Variants in ADK observed in about 807,000 individuals in gnomAD.
The protein encoded by ADK is adenosine kinase.
ADK carries 24 observed loss-of-function variants against 44.7 expected under a neutral mutation model. That is an observed-to-expected ratio of 0.54 (90% confidence interval 0.39 to 0.76). The LOEUF is 0.76. Among genes scored for constraint, ADK ranks in the 30% least tolerant of loss-of-function variants. The probability of loss-of-function intolerance (pLI) is 0.00; values close to 1 mark genes in which losing one functional copy is unlikely to be tolerated. For missense variants in ADK, 321 were observed against 425.1 expected (o/e 0.76, Z 2.15); for synonymous variants, 128 against 142.6 (o/e 0.90, Z 0.73).
chr10:74,200,355 G>A (rs1843330887), intron 1 of ADK, among the ~76,000 whole-genome samples: 1 of 151,558 alleles, frequency 6.6e-6, no homozygotes, highest in Non-Finnish European at 1.5e-5. Flanking sequence ...ATGGTGGCAG[G>A]CACCTTTAAT....
chr10:74,674,577 G>T (rs1336499114), intron 10 of ADK, among the ~76,000 whole-genome samples: 1 of 151,922 alleles, frequency 6.6e-6, no homozygotes. Context: ...ATGGATCAAA[G>T]ACTTAAATGT....
chr10:74,621,247 G>A (rs1445406761), intron 9 of ADK, among the ~76,000 whole-genome samples: 1 of 152,098 alleles, frequency 6.6e-6, no homozygotes, highest in Non-Finnish European at 1.5e-5. Context: ...CAGAGGGTGA[G>A]AGCTAGGAGT....
intron 8 of ADK, among the ~76,000 whole-genome samples, chr10:74,595,674 C>CTTGGAACTCAAAAACTAAAATTCA (rs1303016764): frequency 0.7 from 100 of 142 alleles, 50 homozygotes; most frequent in East Asian, 1. Flanking sequence ...CCGCGCCCAT[C>CTTGGAACTCAAAAACTAAAATTCA]GCCATATCAG....
chr10:74,651,256 A>T (rs987376808), intron 9 of ADK, among the ~76,000 whole-genome samples: 1 of 152,116 alleles, frequency 6.6e-6, no homozygotes, highest in Non-Finnish European at 1.5e-5. Flanking sequence ...TTAATCTAAT[A>T]GGCATTGGCA....
intron 4 of ADK, among the ~76,000 whole-genome samples, chr10:74,338,414 GTATT>G (rs1841480808): frequency 6.6e-6 from 1 of 152,080 alleles, no homozygotes; most frequent in African/African-American, 2.4e-5. Context: ...ATATTCCTGA[GTATT>G]TAACATAGAA....
chr10:74,284,202 C>T (rs1023789530), intron 3 of ADK, among the ~76,000 whole-genome samples: 5 of 149,132 alleles, frequency 3.4e-5, no homozygotes, highest in Non-Finnish European at 5.9e-5. Context: ...TCAGGTGATC[C>T]GCCAGTCTTG....
At chr10:74,333,978 T>C (rs575167069) in intron 4 of ADK, among the ~76,000 whole-genome samples, 6 of 152,270 alleles carry the variant, frequency 3.9e-5, no homozygotes, top group East Asian at 3.9e-4. Flanking sequence ...CAAAAAATAC[T>C]TTTTTTCAAA....
At chr10:74,437,096 AGTG>A (rs1430927882) in intron 6 of ADK, among the ~76,000 whole-genome samples, 1 of 152,188 alleles carries the variant, frequency 6.6e-6, no homozygotes, top group Non-Finnish European at 1.5e-5. Flanking sequence ...AAATAATCAA[AGTG>A]GTCATAACAC....
intron 2 of ADK, among the ~76,000 whole-genome samples, chr10:74,215,898 C>T (rs1030649514): frequency 7.4e-5 from 11 of 149,248 alleles, no homozygotes; most frequent in African/African-American, 2.5e-4. Flanking sequence ...CCTTGTGATC[C>T]GCCCGTCTCG....
intron 6 of ADK, among the ~76,000 whole-genome samples, chr10:74,407,660 C>A (rs1843997505): frequency 6.6e-6 from 1 of 152,172 alleles, no homozygotes; most frequent in Non-Finnish European, 1.5e-5. Flanking sequence ...CAGTACTCTG[C>A]CCCAGCATGT....
At chr10:74,378,421 C>T (rs1307059527) in intron 4 of ADK, among the ~76,000 whole-genome samples, 1 of 152,028 alleles carries the variant, frequency 6.6e-6, no homozygotes, top group Non-Finnish European at 1.5e-5. Flanking sequence ...ATGCATCCTA[C>T]AATAACATGA....
intron 1 of ADK, among the ~76,000 whole-genome samples, chr10:74,169,722 T>A (rs1278696563): frequency 6.6e-6 from 1 of 152,208 alleles, no homozygotes; most frequent in African/African-American, 2.4e-5. Flanking sequence ...CAGGAGAGAA[T>A]TAATAGATTT....
At chr10:74,301,775 T>G (rs1449280290) in intron 3 of ADK, among the ~76,000 whole-genome samples, 3 of 152,166 alleles carry the variant, frequency 2.0e-5, no homozygotes, top group Non-Finnish European at 4.4e-5. Flanking sequence ...CTCATCTTCT[T>G]CTAAAAGAAT....
intron 7 of ADK, among the ~76,000 whole-genome samples, chr10:74,586,508 T>G (rs565645706): frequency 6.6e-6 from 1 of 152,340 alleles, no homozygotes; most frequent in East Asian, 1.9e-4. Flanking sequence ...ATATGTGTCT[T>G]CTTGCAGTTA....
chr10:74,395,834 C>G (rs1843486282), intron 5 of ADK, among the ~76,000 whole-genome samples: 4 of 152,114 alleles, frequency 2.6e-5, no homozygotes, highest in Admixed American at 2.6e-4. Context: ...GCCTGGCCAA[C>G]ATGGTGAAAC....
chr10:74,236,343 T>C (rs1216312643), intron 3 of ADK, among the ~76,000 whole-genome samples: 1 of 152,230 alleles, frequency 6.6e-6, no homozygotes, highest in Non-Finnish European at 1.5e-5. Context: ...TATTTTCTTC[T>C]AAGTAGATTG....
At chr10:74,382,306 C>G (rs191057075) in intron 4 of ADK, among the ~76,000 whole-genome samples, 26 of 152,254 alleles carry the variant, frequency 1.7e-4, no homozygotes, top group Middle Eastern at 3.4e-3. Context: ...ACCACATTGC[C>G]TAGGCTGGTC....
intron 4 of ADK, among the ~76,000 whole-genome samples, chr10:74,351,740 G>A (rs1357337296): frequency 1.3e-5 from 2 of 152,094 alleles, no homozygotes; most frequent in Non-Finnish European, 2.9e-5. Flanking sequence ...AAATCAATAT[G>A]CAGAAATCAC....
intron 10 of ADK, among the ~76,000 whole-genome samples, chr10:74,695,619 G>GGT (rs749294668): frequency 0.021 from 1,923 of 90,036 alleles, 17 homozygotes; most frequent in African/African-American, 0.026. Context: ...GTATGTGTGG[G>GGT]GTGTGTGTGT....
Sources: gnomAD v4.1 joint callset for allele counts (sites outside exome capture counted in the v4.1 genomes callset) on GRCh38, gnomAD v4.1.1 for gene constraint, MANE v1.5 for transcripts, NCBI Gene and HGNC (gene_info 2026-07-23, HGNC 2026-07-21) for gene names.